TRDN: variants seen among roughly 807,000 people sequenced by gnomAD.
TRDN encodes the protein triadin in skeletal muscle.
A neutral mutation model predicts 149.7 loss-of-function variants in TRDN; 161 were observed. That is an observed-to-expected ratio of 1.08 (90% CI 0.95 to 1.23). TRDN has a LOEUF of 1.23. Ranked by LOEUF, TRDN falls within the 50% of genes most tolerant of loss-of-function variation. The pLI, the probability that TRDN is intolerant of heterozygous loss-of-function variation, is 0.00. For synonymous variants in TRDN, 294 were observed against 250.5 expected (o/e 1.17, Z -1.64); for missense variants, 896 against 823.5 (o/e 1.09, Z -1.08).
chr6:123,442,696 A>T (rs2114611957), intron 10 of TRDN, among the ~76,000 whole-genome samples: 1 of 152,330 alleles, frequency 6.6e-6, no homozygotes, highest in African/African-American at 2.4e-5. Context: ...AATAATAAAA[A>T]TCTGACCACA....
chr6:123,575,460 A>C (rs73539150), intron 1 of TRDN, among the ~76,000 whole-genome samples: 8,960 of 152,182 alleles, frequency 0.059, 357 homozygotes, highest in African/African-American at 0.094. Flanking sequence ...GACAAGAGCT[A>C]GTTATTGATA....
chr6:123,274,882 C>A (rs887464339), intron 26 of TRDN, among the ~76,000 whole-genome samples: 2 of 151,990 alleles, frequency 1.3e-5, no homozygotes, highest in South Asian at 2.1e-4. Context: ...CAAAAAAAAA[C>A]CAGTTTTACA....
intron 12 of TRDN, among the ~76,000 whole-genome samples, chr6:123,432,712 C>T (rs1201776106): frequency 1.3e-5 from 2 of 152,030 alleles, no homozygotes; most frequent in South Asian, 4.1e-4. Flanking sequence ...ATCTTTCACT[C>T]CACTGACTGC....
At chr6:123,377,586 G>T in intron 18 of TRDN, 130 bp downstream of exon 18, 1 of 1,089,526 alleles carries the variant, frequency 9.2e-7, no homozygotes, top group Non-Finnish European at 1.3e-6. Flanking sequence ...TCAAGAACTT[G>T]GAAAAAACAC....
chr6:123,369,473 G>C (rs1781240919), intron 19 of TRDN, among the ~76,000 whole-genome samples: 1 of 152,102 alleles, frequency 6.6e-6, no homozygotes, highest in East Asian at 1.9e-4. Flanking sequence ...GCTGAAGGAA[G>C]ACCCCCACCC....
At chr6:123,466,068 C>A (rs964903610) in intron 9 of TRDN, among the ~76,000 whole-genome samples, 21 of 152,266 alleles carry the variant, frequency 1.4e-4, no homozygotes, top group African/African-American at 4.8e-4. Context: ...AGGTTGATTA[C>A]TGAGCATGTT....
intron 21 of TRDN, 53 bp downstream of exon 21, chr6:123,352,486 A>C (rs1011907494): frequency 1.9e-6 from 3 of 1,602,772 alleles, no homozygotes; most frequent in Admixed American, 1.7e-5. Flanking sequence ...TTTCCTCCGC[A>C]TGTTGTTGTC....
intron 12 of TRDN, among the ~76,000 whole-genome samples, chr6:123,397,053 A>G (rs1772760433): frequency 1.3e-5 from 2 of 152,084 alleles, no homozygotes; most frequent in Admixed American, 1.3e-4. Context: ...CTCTGAAAAA[A>G]AAAACAGTGT....
chr6:123,608,633 GT>G (rs1784636105), intron 1 of TRDN, among the ~76,000 whole-genome samples: 1 of 152,050 alleles, frequency 6.6e-6, no homozygotes, highest in South Asian at 2.1e-4. Flanking sequence ...AAAATGATAT[GT>G]TTTTTCTTAT....
intron 1 of TRDN, among the ~76,000 whole-genome samples, chr6:123,587,825 T>A (rs537078050): frequency 6.1e-4 from 92 of 152,020 alleles, no homozygotes; most frequent in African/African-American, 2.1e-3. Flanking sequence ...GGGGAGCTTT[T>A]GAGCCAGGAT....
At chr6:123,332,518 C>T (rs976434487) in intron 22 of TRDN, among the ~76,000 whole-genome samples, 2 of 152,034 alleles carry the variant, frequency 1.3e-5, no homozygotes, top group Admixed American at 6.6e-5. Context: ...ACTTATTCTA[C>T]CACCTTCCAA....
At chr6:123,393,539 G>T in intron 13 of TRDN, 85 bp downstream of exon 13, 1 of 1,242,618 alleles carries the variant, frequency 8.0e-7, no homozygotes, top group Non-Finnish European at 1.1e-6. Context: ...GTGCTATTCT[G>T]CAATAAACAG....
intron 9 of TRDN, among the ~76,000 whole-genome samples, chr6:123,475,220 G>A (rs1777411098): frequency 6.7e-6 from 1 of 149,708 alleles, no homozygotes; most frequent in African/African-American, 2.5e-5. Flanking sequence ...AAATGATAAA[G>A]GGGATATCAC....
At chr6:123,475,054 A>C (rs1777395063) in intron 9 of TRDN, among the ~76,000 whole-genome samples, 1 of 151,980 alleles carries the variant, frequency 6.6e-6, no homozygotes, top group Non-Finnish European at 1.5e-5. Context: ...AAATAACTAA[A>C]ATCAGAGCAG....
chr6:123,348,862 G>A (rs571442123), intron 21 of TRDN, among the ~76,000 whole-genome samples: 2 of 152,230 alleles, frequency 1.3e-5, no homozygotes, highest in South Asian at 2.1e-4. Context: ...GATACATAAA[G>A]TTGGTTATTT....
intron 24 of TRDN, among the ~76,000 whole-genome samples, chr6:123,285,923 A>G (rs558478888): frequency 6.6e-6 from 1 of 152,166 alleles, no homozygotes; most frequent in South Asian, 2.1e-4. Flanking sequence ...ATGTGAAAAA[A>G]TGTTCAACAT....
intron 10 of TRDN, among the ~76,000 whole-genome samples, chr6:123,459,950 T>C (rs1465004653): frequency 6.6e-6 from 1 of 152,198 alleles, no homozygotes. Flanking sequence ...CTACTTGTAG[T>C]TGTTTTGAGA....
In TRDN at chr6:123,486,702, G is replaced by A. The variant is rs985464941; in HGVS notation, c.853+10491C>T. 3.3e-5 allele frequency among the ~76,000 whole-genome samples: 5 copies of A among 151,856 alleles called. No homozygotes were observed. The East Asian group carries it at 9.6e-4, about 29-fold the overall frequency. On this transcript the variant is annotated intron_variant, in intron 9 of 40. Transcript: ENST00000334268. ...TAATAATAATAATTTTTTTCTGGATGTTTGTGTATGCTTGATGGCTAGCAA... is the reference window on the plus strand; with the variant it reads ...TAATAATAATAATTTTTTTCTGGATATTTGTGTATGCTTGATGGCTAGCAA...
At position 123,438,926 on chromosome 6, in the gene TRDN, G is replaced by T; in HGVS notation, c.991+18C>A. On this transcript the variant is annotated intron_variant, in intron 11 of 40. Transcript: ENST00000334268. ...ACACTAATTGATTTATGTGGTACAT[G>T]GCTTTTAAATTTCCTACCTTTCTTT... The T allele has an allele frequency of 6.5e-7, 1 of 1,545,616 alleles. No homozygotes were observed. Among genetic ancestry groups the T allele is most frequent in the South Asian group, 1.2e-5 (1 of 82,704 alleles).
Sources: gnomAD v4.1 joint callset for allele counts (sites outside exome capture counted in the v4.1 genomes callset) on GRCh38, gnomAD v4.1.1 for gene constraint, MANE v1.5 for transcripts, NCBI Gene and HGNC (gene_info 2026-07-23, HGNC 2026-07-21) for gene names.